The following NOC2L variants were observed in gnomAD, a reference collection of about 807,000 sequenced individuals.
The protein encoded by NOC2L is nucleolar complex protein 2 homolog.
In NOC2L, 101 loss-of-function variants were observed where a neutral mutation model predicts 94.2. That is an observed-to-expected ratio of 1.07 (90% CI 0.91 to 1.26). The LOEUF (loss-of-function observed/expected upper bound fraction) is 1.26. Ranked by LOEUF, NOC2L falls within the 50% of genes most tolerant of loss-of-function variation. The pLI is 0.00. For missense variants in NOC2L, 1,076 were observed against 980.1 expected (o/e 1.10, Z -1.31); for synonymous variants, 531 against 413.4 (o/e 1.28, Z -3.45).
chr1:955,564 C>T (rs1642376909), intron 6 of NOC2L, among the ~76,000 whole-genome samples: 2 of 152,222 alleles, frequency 1.3e-5, no homozygotes, highest in Non-Finnish European at 2.9e-5. Flanking sequence ...ACAGGCCAGT[C>T]ATAGTGCAGA....
At chr1:953,963 G>C in intron 7 of NOC2L, 41 bp downstream of exon 7, 1 of 1,604,738 alleles carries the variant, frequency 6.2e-7, no homozygotes, top group Admixed American at 1.7e-5. Flanking sequence ...CCGACCACCA[G>C]ATACAGCCAG....
In NOC2L at chr1:946,223, G is replaced by A. The variant is rs768154020; in HGVS notation, c.1867C>T (p.Arg623Cys). The A allele has an allele frequency of 2.2e-5, 35 of 1,613,608 alleles. No homozygotes were observed. Among genetic ancestry groups the A allele is most frequent in the African/African-American group, 5.3e-5 (4 of 74,924 alleles). Reference protein sequence around the residue: ...TPLTLYYSHWRKLRDREIQLE... With the variant: ...TPLTLYYSHWCKLRDREIQLE... Reference sequence around the variant, plus strand: ...TGGATCTCCCGGTCACGCAGCTTGCGCCAGTGGCTGTAGTACAAGGTCAGG... The same window carrying A: ...TGGATCTCCCGGTCACGCAGCTTGCACCAGTGGCTGTAGTACAAGGTCAGG... Residue 623 changes from arginine to cysteine, a missense_variant, in exon 16 of 19, where the codon CGC (arginine) becomes TGC (cysteine). Arg to Cys is a radical substitution (Grantham distance 180, BLOSUM62 -3). This residue lies in a region of NOC2L where 615 missense variants were observed against 577.4 expected (regional missense o/e 1.07). Transcript: ENST00000327044.
rs1642063236 is a variant in NOC2L, at chr1:945,130, CAG to C, written c.2068_2069del (p.Leu690GlufsTer10). On this transcript the variant is annotated frameshift_variant, in exon 18 of 19. Transcript: ENST00000327044. LOFTEE classifies it high-confidence loss of function. ...GFSERGILRPLSTRHGVEDDE... is the reference protein window; with the variant it reads ...GFSERGILRPXSTRHGVEDDE... ...CGTCTTCCACCCCATGCCGAGTGCT[CAG>C]GGGCCTCAGTATCCCTGAGGAACAA... The C allele has an allele frequency of 1.6e-5, 26 of 1,609,468 alleles. No individual in the cohort carries two copies. Among genetic ancestry groups the C allele is most frequent in the Non-Finnish European group, 2.0e-5 (23 of 1,177,860 alleles).
Position 957,280 on chromosome 1 carries a change from A to C in NOC2L, c.180-7T>G, listed in dbSNP as rs773811941. The C allele has an allele frequency of 1.2e-6, 2 of 1,612,748 alleles. No homozygotes were observed. The highest frequency in any genetic ancestry group is 1.3e-5 in the African/African-American group (1 of 74,900). On this transcript the variant is annotated splice_region_variant and splice_polypyrimidine_tract_variant and intron_variant, in intron 2 of 18. Transcript: ENST00000327044. ...GGCACGGCCTTTACGCCGGCTGAGG[A>C]GGCAGAAGTCAGCGACCCCAGTGGG...
In NOC2L at chr1:945,086, T is replaced by A; in HGVS notation, c.2114A>T (p.Glu705Val). Residue 705 changes from glutamate to valine, a missense_variant, in exon 18 of 19, where the codon GAG becomes GTG. This residue lies in a region of NOC2L where 615 missense variants were observed against 577.4 expected (regional missense o/e 1.07). Coordinates refer to ENST00000327044, the MANE Select transcript of NOC2L (RefSeq NM_015658.4). Reference protein sequence around the residue: ...GVEDDEEDEEEGEEDSSNSED... With the variant: ...GVEDDEEDEEVGEEDSSNSED... The stretch of plus-strand genomic sequence containing the variant: ...CGAGTTGCTGCTGTCCTCCTCGCCC[T>A]CCTCCTCGTCCTCTTCATCGTCTTC... 1 of 1,611,918 alleles carries A rather than the reference T, an allele frequency of 6.2e-7. No individual in the cohort carries two copies. The highest frequency in any genetic ancestry group is 1.1e-5 in the South Asian group (1 of 89,250).
chr1:956,322 A>G, intron 4 of NOC2L, 107 bp from the exon 5 acceptor site: 1 of 1,343,084 alleles, frequency 7.4e-7, no homozygotes, highest in Admixed American at 2.0e-5. Flanking sequence ...CCTCAGACAT[A>G]GGGCAGAGGT....
Position 945,073 on chromosome 1 carries a change from GTCCTCCTCGCCCTCC to G in NOC2L, c.2112_2126del (p.Glu704_Glu708del). On this transcript the variant is annotated inframe_deletion, in exon 18 of 19. Transcript: ENST00000327044. ...ACCATTCACCCTCCGAGTTGCTGCTGTCCTCCTCGCCCTCCTCCTCGTCCTCTTCATCGTCTTCCA... is the reference window on the plus strand; with the variant it reads ...ACCATTCACCCTCCGAGTTGCTGCTGTCCTCGTCCTCTTCATCGTCTTCCA... 3 of 1,614,036 alleles carry G rather than the reference GTCCTCCTCGCCCTCC, an allele frequency of 1.9e-6. No homozygotes were observed. The highest frequency in any genetic ancestry group is 2.5e-6 in the Non-Finnish European group (3 of 1,179,990).
In NOC2L at chr1:958,921, C is replaced by G; in HGVS notation, c.179+8G>C. On this transcript the variant is annotated splice_region_variant and intron_variant, in intron 2 of 18. Transcript: ENST00000327044. ...CAAGAGGTTCTGCTCACGCATGTCC[C>G]CACTAACCTGGCCGAGGGGCTCCCG... The G allele has an allele frequency of 6.2e-7, 1 of 1,612,714 alleles. No individual in the cohort carries two copies. Among genetic ancestry groups the G allele is most frequent in the Non-Finnish European group, 8.5e-7 (1 of 1,179,894 alleles).
Position 951,116 on chromosome 1 carries a change from G to A in NOC2L, c.1443+11C>T. On this transcript the variant is annotated intron_variant, in intron 12 of 18. Transcript: ENST00000327044. ...GCAGAGGTGCCACACGCCCACCACA[G>A]CCTCACTCACCTCCAGGATGAAAGG... is the stretch of plus-strand genomic sequence containing the variant. The A allele has an allele frequency of 1.9e-6, 3 of 1,558,812 alleles. No homozygotes were observed. The highest frequency in any genetic ancestry group is 2.4e-5 in the East Asian group (1 of 42,054).
chr1:944,559 TAAA>T lies in NOC2L; in HGVS notation c.*132_*134del. 2 of 631,866 alleles carry T rather than the reference TAAA, an allele frequency of 3.2e-6. No homozygotes were observed. The highest frequency in any genetic ancestry group is 2.7e-6 in the Non-Finnish European group (1 of 373,118). The allele number at this position is 631,866 out of a possible 1,614,324, so 39.1% of individuals were successfully genotyped here. ...ACGTTTGGTCTTTCATGCTGAAAAA[TAAA>T]TAATAAAGCCTGTCCCGTGTCTACT... On this transcript the variant is annotated 3_prime_UTR_variant, in exon 19 of 19. Transcript: ENST00000327044.
At chr1:947,994 G>A in intron 14 of NOC2L, 137 bp downstream of exon 14, 1 of 685,262 alleles carries the variant, frequency 1.5e-6, no homozygotes, top group Non-Finnish European at 2.6e-6. Context: ...GGGCCTCACG[G>A]GGCGCGTTGC....
chr1:956,357 C>T, intron 4 of NOC2L, 142 bp from the exon 5 acceptor site: 1 of 884,266 alleles, frequency 1.1e-6, no homozygotes, highest in South Asian at 1.7e-5. Context: ...GAGCCCCATA[C>T]TGATAACAAA....
intron 10 of NOC2L, 134 bp from the exon 11 acceptor site, chr1:952,273 T>C: frequency 7.2e-7 from 1 of 1,392,272 alleles, no homozygotes; most frequent in Non-Finnish European, 9.9e-7. Flanking sequence ...TTCCCCCACC[T>C]GCAAGGACCG....
chr1:944,671 AC>A lies in NOC2L; in HGVS notation c.*22del, dbSNP rs574127762. On this transcript the variant is annotated 3_prime_UTR_variant, in exon 19 of 19. Coordinates refer to ENST00000327044, the MANE Select transcript of NOC2L (RefSeq NM_015658.4). ...ACTGGCCACCAGCCCGGCAGCCCCT[AC>A]AGGCCCCCCAGATGGGCTGCCTCAG... is the stretch of plus-strand genomic sequence containing the variant. 1.4e-3 allele frequency: 2,014 copies of A among 1,489,484 alleles called. 4 individuals are homozygous for A. Among genetic ancestry groups the A allele is most frequent in the Admixed American group, 1.8e-3 (104 of 58,174 alleles). The allele number at this position is 1,489,484 out of a possible 1,614,324, so 92.3% of individuals were successfully genotyped here.
At chr1:957,885 C>T (rs1233978083) in intron 2 of NOC2L, 2 of 155,304 alleles carry the variant, frequency 1.3e-5, no homozygotes, top group Admixed American at 6.3e-5. Flanking sequence ...CCCTATTCAC[C>T]CCCTCACTCC....
In NOC2L at chr1:946,454, A is replaced by G; in HGVS notation, c.1751T>C (p.Ile584Thr). Residue 584 changes from isoleucine (I) to threonine (T), a missense_variant, in exon 15 of 19, where the codon ATC (isoleucine) becomes ACC (threonine). By Grantham distance (89) the Ile-to-Thr change is moderately conservative. Around this residue, in one of 3 missense-constraint regions of NOC2L, gnomAD observed 615 missense variants for 577.4 expected, o/e 1.07. Coordinates refer to ENST00000327044, the MANE Select transcript of NOC2L (RefSeq NM_015658.4). ...GGAAACCCTCTGGCGGCGGCTGCAG[A>G]TGTATGCCGAGTTCTCCTGAACCTT... ...LGKVQENSAY[I>T]CSRRQRVSFG... 5 of 1,613,264 alleles carry G rather than the reference A, an allele frequency of 3.1e-6. No individual in the cohort carries two copies. The highest frequency in any genetic ancestry group is 4.2e-6 in the Non-Finnish European group (5 of 1,179,966).
chr1:947,287 T>C (rs1394699685), intron 14 of NOC2L, among the ~76,000 whole-genome samples: 2 of 152,094 alleles, frequency 1.3e-5, no homozygotes, highest in Non-Finnish European at 2.9e-5. Context: ...CAAGAGGACA[T>C]GGGAGGAACA....
chr1:955,523 C>T (rs1642375756), intron 6 of NOC2L, among the ~76,000 whole-genome samples: 1 of 152,168 alleles, frequency 6.6e-6, no homozygotes, highest in South Asian at 2.1e-4. Context: ...TTGATGAGGC[C>T]CCTGTCTACA....
intron 8 of NOC2L, 117 bp downstream of exon 8, chr1:953,664 GC>G (rs1353460773): frequency 1.0e-4 from 79 of 766,878 alleles, no homozygotes; most frequent in Admixed American, 1.6e-4. Flanking sequence ...CTCTAGCCAA[GC>G]GGAGCCAGTG....
Sources: gnomAD v4.1 joint callset for allele counts (sites outside exome capture counted in the v4.1 genomes callset) on GRCh38, gnomAD v4.1.1 for gene constraint, gnomAD v4.1.1 regional missense constraint, MANE v1.5 for transcripts, NCBI Gene and HGNC (gene_info 2026-07-23, HGNC 2026-07-21) for gene names.